TMEM270: variants seen among roughly 807,000 people sequenced by gnomAD.
TMEM270 encodes the protein transmembrane protein 270.
TMEM270 carries 30 observed loss-of-function variants against 29.9 expected under a neutral mutation model. That is an observed-to-expected ratio of 1.00 (90% CI 0.75 to 1.36). TMEM270 has a LOEUF of 1.36. Ranked by LOEUF, TMEM270 falls within the 40% of genes most tolerant of loss-of-function variation. The pLI, the probability that TMEM270 is intolerant of heterozygous loss-of-function variation, is 0.00. For missense variants in TMEM270, 313 were observed against 307.1 expected (o/e 1.02, Z -0.14); for synonymous variants, 135 against 139.8 (o/e 0.97, Z 0.24).
intron 1 of TMEM270, among the ~76,000 whole-genome samples, chr7:73,861,929 GCTGGGAC>G (rs1314619102): frequency 6.6e-6 from 1 of 151,460 alleles, no homozygotes; most frequent in African/African-American, 2.4e-5. Flanking sequence ...CTCCCAAGTA[GCTGGGAC>G]TACAGGCACG....
At chr7:73,862,489 T>C (rs1788810319) in intron 1 of TMEM270, among the ~76,000 whole-genome samples, 1 of 151,754 alleles carries the variant, frequency 6.6e-6, no homozygotes, top group Admixed American at 6.6e-5. Context: ...GGAGTATAGA[T>C]TGAGCCTGGG....
At chr7:73,864,863 A>T (rs1554639691) in intron 1 of TMEM270, 130 bp from the exon 2 acceptor site, 2 of 807,222 alleles carry the variant, frequency 2.5e-6, no homozygotes, top group African/African-American at 3.6e-5. Flanking sequence ...AGATAGCGCC[A>T]TTGCATTCCA....
In TMEM270 at chr7:73,865,263, A is replaced by G. The variant is rs782765507; in HGVS notation, c.343A>G (p.Ser115Gly). ...STKGLGLALL[S>G]AWEQLGLSVA... Reference sequence around the variant, plus strand: ...CAAGGGCCTGGGCCTGGCCTTGCTCAGTGCCTGGGAGCAGCTGGGCCTGTC... The same window carrying G: ...CAAGGGCCTGGGCCTGGCCTTGCTCGGTGCCTGGGAGCAGCTGGGCCTGTC... Residue 115 changes from serine to glycine, a missense_variant, in exon 2 of 3, where the codon AGT (serine) becomes GGT (glycine). Ser to Gly is a moderately conservative substitution (Grantham distance 56). Transcript: ENST00000320531. 2 of 1,613,350 alleles carry G rather than the reference A, an allele frequency of 1.2e-6. No individual in the cohort carries two copies. The highest frequency in any genetic ancestry group is 1.3e-5 in the African/African-American group (1 of 74,900).
At chr7:73,861,749 A>G (rs1788790456) in intron 1 of TMEM270, among the ~76,000 whole-genome samples, 1 of 151,172 alleles carries the variant, frequency 6.6e-6, no homozygotes, top group African/African-American at 2.4e-5. Flanking sequence ...ACCTGGCAGC[A>G]TTTTCTCTAT....
intron 1 of TMEM270, among the ~76,000 whole-genome samples, chr7:73,862,149 G>A (rs1423654866): frequency 1.4e-5 from 2 of 138,712 alleles, no homozygotes; most frequent in East Asian, 2.2e-4. Flanking sequence ...GCCCTGTCGC[G>A]CAGGCTGCAG....
chr7:73,865,810 G>C lies in TMEM270; in HGVS notation c.735G>C (p.Leu245=). 6.2e-7 allele frequency: 1 copy of C among 1,613,798 alleles called. No individual in the cohort carries two copies. Among genetic ancestry groups the C allele is most frequent in the Non-Finnish European group, 8.5e-7 (1 of 1,179,968 alleles). ...CAGGGTCTTCCTTGCTGCCCTCACT[G>C]TCTGCGTCCTCGGACTCAGAGTCTG... ...EVSGSSLLPS[L]SASSDSESGT... The change falls in exon 3 of 3, where the codon CTG becomes CTC. Residue 245 remains leucine, a synonymous_variant. Transcript: ENST00000320531.
At position 73,865,802 on chromosome 7, in the gene TMEM270, C is replaced by A. The variant is rs1436721843; in HGVS notation, c.727C>A (p.Pro243Thr). The A allele has an allele frequency of 6.2e-7, 1 of 1,613,774 alleles. No individual in the cohort carries two copies. Among genetic ancestry groups the A allele is most frequent in the East Asian group, 2.2e-5 (1 of 44,892 alleles). Residue 243 changes from proline to threonine, a missense_variant, in exon 3 of 3, where the codon CCC becomes ACC. Coordinates refer to ENST00000320531, the MANE Select transcript of TMEM270 (RefSeq NM_182504.4). ...GGAGGTCTCAGGGTCTTCCTTGCTGCCCTCACTGTCTGCGTCCTCGGACTC... is the reference window on the plus strand; with the variant it reads ...GGAGGTCTCAGGGTCTTCCTTGCTGACCTCACTGTCTGCGTCCTCGGACTC... ...PQEVSGSSLL[P>T]SLSASSDSES...
chr7:73,864,972 T>C, intron 1 of TMEM270, 21 bp from the exon 2 acceptor site: 1 of 1,446,924 alleles, frequency 6.9e-7, no homozygotes, highest in East Asian at 2.5e-5. Context: ...CTGACGGTTG[T>C]CTCTCTCTCT....
rs1156983058 is a variant in TMEM270, at chr7:73,865,796, T to C, written c.721T>C (p.Leu241=). ...ACCCCAGGAGGTCTCAGGGTCTTCC[T>C]TGCTGCCCTCACTGTCTGCGTCCTC... ...VEPQEVSGSS[L]LPSLSASSDS... The change falls in exon 3 of 3, where the codon TTG becomes CTG. Residue 241 remains leucine (L), a synonymous_variant. Coordinates refer to ENST00000320531, the MANE Select transcript of TMEM270 (RefSeq NM_182504.4). The C allele has an allele frequency of 2.4e-5, 38 of 1,613,842 alleles. No homozygotes were observed. Among genetic ancestry groups the C allele is most frequent in the Non-Finnish European group, 3.1e-5 (37 of 1,180,000 alleles).
chr7:73,865,328 C>T lies in TMEM270; in HGVS notation c.408C>T (p.His136=), dbSNP rs374878058. Residue 136 remains histidine (H), a synonymous_variant, in exon 2 of 3, where the codon CAC becomes CAT. Transcript: ENST00000320531. ...CAGATCTGTTTTTGTCATGTCTGCA[C>T]GGCCTGATGTTGGTGGCCTTGCTCT... ...IWTDLFLSCL[H]GLMLVALLLV... 164 of 1,613,394 alleles carry T rather than the reference C, an allele frequency of 1.0e-4. No homozygotes were observed. The highest frequency in any genetic ancestry group is 1.8e-4 in the East Asian group (8 of 44,888).
chr7:73,863,944 T>C (rs950481239), intron 1 of TMEM270, among the ~76,000 whole-genome samples: 1 of 151,870 alleles, frequency 6.6e-6, no homozygotes, highest in Non-Finnish European at 1.5e-5. Flanking sequence ...ATAATAGCCA[T>C]GAAACCTCCT....
In TMEM270 at chr7:73,865,865, A is replaced by G. The variant is rs374916333; in HGVS notation, c.790A>G (p.Arg264Gly). 6.8e-6 allele frequency: 11 copies of G among 1,610,950 alleles called. No individual in the cohort carries two copies. Among genetic ancestry groups the G allele is most frequent in the Middle Eastern group, 1.6e-4 (1 of 6,076 alleles). The change falls in exon 3 of 3, where the codon AGA (arginine) becomes GGA (glycine). Residue 264 changes from arginine (R) to glycine (G), a missense_variant. Arg to Gly is a moderately radical substitution (Grantham distance 125). Coordinates refer to ENST00000320531, the MANE Select transcript of TMEM270 (RefSeq NM_182504.4). ...AGTTTTGCCAGAGCAAGAAACTCCC[A>G]GAGAATAAATGTATCCCCATCTGCC... ...GTVLPEQETPRE is the reference protein window; with the variant it reads ...GTVLPEQETPGE
chr7:73,860,862 G>A (rs1788757303), upstream of TMEM270, among the ~76,000 whole-genome samples: 1 of 151,964 alleles, frequency 6.6e-6, no homozygotes, highest in South Asian at 2.1e-4. Context: ...GCCCATGCTG[G>A]TCTCAAACTC....
In TMEM270 at chr7:73,865,809, T is replaced by C. The variant is rs1554639920; in HGVS notation, c.734T>C (p.Leu245Pro). 1 of 1,613,748 alleles carries C rather than the reference T, an allele frequency of 6.2e-7. No homozygotes were observed. The highest frequency in any genetic ancestry group is 1.1e-5 in the South Asian group (1 of 91,088). Residue 245 changes from leucine to proline, a missense_variant, in exon 3 of 3, where the codon CTG becomes CCG. Physicochemically the swap from Leu to Pro is moderately conservative, Grantham distance 98 (BLOSUM62 -3). Coordinates refer to ENST00000320531, the MANE Select transcript of TMEM270 (RefSeq NM_182504.4). Reference protein sequence around the residue: ...EVSGSSLLPSLSASSDSESGT... With the variant: ...EVSGSSLLPSPSASSDSESGT... ...TCAGGGTCTTCCTTGCTGCCCTCAC[T>C]GTCTGCGTCCTCGGACTCAGAGTCT...
Position 73,865,081 on chromosome 7 carries a change from C to T in TMEM270, c.161C>T (p.Ala54Val), listed in dbSNP as rs1372533781. 3.2e-6 allele frequency: 5 copies of T among 1,553,384 alleles called. No homozygotes were observed. Among genetic ancestry groups the T allele is most frequent in the South Asian group, 2.5e-5 (2 of 81,236 alleles). The stretch of plus-strand genomic sequence containing the variant: ...TGGGTGTCAGGGCTGGCCCAGGAGG[C>T]CCGGGGGTCCTGTAACTGGCAGGCC... ...NHWVSGLAQE[A>V]RGSCNWQAHL... The change falls in exon 2 of 3, where the codon GCC (alanine) becomes GTC (valine). Residue 54 changes from alanine to valine, a missense_variant. Coordinates refer to ENST00000320531, the MANE Select transcript of TMEM270 (RefSeq NM_182504.4).
chr7:73,861,218 A>T lies in TMEM270; in HGVS notation c.24A>T (p.Arg8Ser). ...ACATGGAGGCCCTTCCTCCAGTCAG[A>T]TCCAGCCTTTTGGGGATCCTGTTGC... MEALPPV[R>S]SSLLGILLQV... The change falls in exon 1 of 3, where the codon AGA (arginine) becomes AGT (serine). Residue 8 changes from arginine to serine, a missense_variant. Arg to Ser is a moderately radical substitution (Grantham distance 110). Transcript: ENST00000320531. 6.2e-7 allele frequency: 1 copy of T among 1,613,578 alleles called. No homozygotes were observed. Among genetic ancestry groups the T allele is most frequent in the Non-Finnish European group, 8.5e-7 (1 of 1,179,684 alleles).
Position 73,865,325 on chromosome 7 carries a change from G to T in TMEM270, c.405G>T (p.Leu135=). The change falls in exon 2 of 3, where the codon CTG becomes CTT. Residue 135 remains leucine, a synonymous_variant. Transcript: ENST00000320531. The part of the protein sequence containing the change: ...AIWTDLFLSC[L]HGLMLVALLL... ...GGACAGATCTGTTTTTGTCATGTCT[G>T]CACGGCCTGATGTTGGTGGCCTTGC... 2.5e-6 allele frequency: 4 copies of T among 1,613,452 alleles called. No homozygotes were observed. In the Middle Eastern group the frequency reaches 6.6e-4, roughly 266 times the overall value.
Position 73,865,613 on chromosome 7 carries a change from G to A in TMEM270, c.538G>A (p.Val180Ile). 6.2e-7 allele frequency: 1 copy of A among 1,614,138 alleles called. No homozygotes were observed. Among genetic ancestry groups the A allele is most frequent in the South Asian group, 1.1e-5 (1 of 91,086 alleles). The change falls in exon 3 of 3, where the codon GTA becomes ATA. Residue 180 changes from valine to isoleucine, a missense_variant. Coordinates refer to ENST00000320531, the MANE Select transcript of TMEM270 (RefSeq NM_182504.4). ...QVNCVVRKLL[V>I]QLRRLYWWVE... Reference sequence around the variant, plus strand: ...GAACTGCGTGGTAAGGAAGCTCCTGGTACAGCTGAGACGTCTGTATTGGTG... The same window carrying A: ...GAACTGCGTGGTAAGGAAGCTCCTGATACAGCTGAGACGTCTGTATTGGTG...
chr7:73,864,942 T>TC, intron 1 of TMEM270, 51 bp from the exon 2 acceptor site: 1 of 1,393,114 alleles, frequency 7.2e-7, no homozygotes. Context: ...GGGGTTCCTG[T>TC]CCCAGGAGGG....
Sources: allele counts gnomAD v4.1 joint callset (sites outside exome capture counted in the v4.1 genomes callset), GRCh38; gene constraint gnomAD v4.1.1; transcripts MANE v1.5; gene names NCBI Gene and HGNC (gene_info 2026-07-23, HGNC 2026-07-21).